The following FOXN2 variants were observed in gnomAD, a reference collection of about 807,000 sequenced individuals.
The protein encoded by FOXN2 is forkhead box protein N2.
FOXN2 carries 19 observed loss-of-function variants against 41.2 expected under a neutral mutation model. The observed-to-expected ratio is 0.46, with a 90% CI of 0.32 to 0.68. The LOEUF is 0.68. Ranked by LOEUF, FOXN2 falls within the 30% of genes least tolerant of loss-of-function variation. The pLI, the probability that FOXN2 is intolerant of heterozygous loss-of-function variation, is 0.03. For synonymous variants in FOXN2, 195 were observed against 176.8 expected (o/e 1.10, Z -0.82); for missense variants, 587 against 509.4 (o/e 1.15, Z -1.47).
chr2:48,362,224 T>C (rs942485151), intron 4 of FOXN2, among the ~76,000 whole-genome samples: 6 of 152,202 alleles, frequency 3.9e-5, no homozygotes, highest in Non-Finnish European at 5.9e-5. Context: ...GTAAAAATAG[T>C]TTGTTTTTGG....
intron 6 of FOXN2, among the ~76,000 whole-genome samples, chr2:48,374,185 A>C (rs1673087835): frequency 6.6e-6 from 1 of 152,214 alleles, no homozygotes; most frequent in African/African-American, 2.4e-5. Flanking sequence ...ATACATAAAA[A>C]GGATTCTGCA....
chr2:48,318,543 G>A (rs78546013), intron 1 of FOXN2, among the ~76,000 whole-genome samples: 312 of 152,124 alleles, frequency 2.1e-3, no homozygotes, highest in Admixed American at 4.6e-3. Context: ...GTGGAGTTTC[G>A]CCCACTTTCC....
rs1441205324 is a variant in FOXN2, at chr2:48,377,138, T to G, written c.*1695T>G. The G allele has an allele frequency of 6.6e-5, 10 of 152,126 alleles. No homozygotes were observed. The East Asian group carries it at 1.7e-3, about 26-fold the overall frequency. The allele number at this position is 152,126 out of a possible 1,614,324, so 9.4% of individuals were successfully genotyped here. A position where few individuals can be genotyped will look rare whatever the true frequency, so the allele number is the denominator to read the frequency against. On this transcript the variant is annotated 3_prime_UTR_variant, in exon 7 of 7. Coordinates refer to ENST00000340553, the MANE Select transcript of FOXN2 (RefSeq NM_002158.4). ...AATTTAACCTGGATAGCCACATTAA[T>G]GAATTGGTGCTGTCAAAATATAGTA...
chr2:48,353,692 T>C (rs1489585541), intron 3 of FOXN2, among the ~76,000 whole-genome samples: 1 of 152,036 alleles, frequency 6.6e-6, no homozygotes, highest in African/African-American at 2.4e-5. Context: ...TCTCTTTAAT[T>C]GTGATGTGGA....
rs114457088 is a variant in FOXN2, at chr2:48,342,732, G to A, written c.-14-3469G>A. ...GAACATGCCTGATCTCATCTAAGTG[G>A]ATAGTGCTCTAAAGTGTTCTATAAG... On this transcript the variant is annotated intron_variant, in intron 2 of 6. Coordinates refer to ENST00000340553, the MANE Select transcript of FOXN2 (RefSeq NM_002158.4). Among the ~76,000 whole-genome samples, 753 of 152,226 alleles carry A rather than the reference G, an allele frequency of 4.9e-3. 7 individuals carry two copies. The highest frequency in any genetic ancestry group is 0.017 in the African/African-American group (700 of 41,542).
intron 2 of FOXN2, among the ~76,000 whole-genome samples, chr2:48,330,692 C>A (rs972226945): frequency 6.6e-6 from 1 of 151,814 alleles, no homozygotes; most frequent in African/African-American, 2.4e-5. Flanking sequence ...GGTAAAATAG[C>A]AAGTCAATAA....
intron 3 of FOXN2, among the ~76,000 whole-genome samples, chr2:48,350,777 CTCT>C (rs1671397855): frequency 6.6e-6 from 1 of 152,138 alleles, no homozygotes; most frequent in African/African-American, 2.4e-5. Flanking sequence ...TGGAGGCAGA[CTCT>C]TCTTCTGGGA....
At chr2:48,347,133 C>A (rs893102513) in intron 3 of FOXN2, among the ~76,000 whole-genome samples, 1 of 151,392 alleles carries the variant, frequency 6.6e-6, no homozygotes, top group Non-Finnish European at 1.5e-5. Context: ...AAATCTATCA[C>A]CTTGCTATTT....
chr2:48,333,256 T>C (rs1030225038), intron 2 of FOXN2, among the ~76,000 whole-genome samples: 2 of 152,118 alleles, frequency 1.3e-5, no homozygotes, highest in Non-Finnish European at 2.9e-5. Context: ...ATAGTATATC[T>C]CTTATACATC....
chr2:48,350,169 T>G (rs1484276339), intron 3 of FOXN2, among the ~76,000 whole-genome samples: 4 of 152,250 alleles, frequency 2.6e-5, no homozygotes, highest in Non-Finnish European at 5.9e-5. Context: ...GGTTGGCATA[T>G]TGAACAGCTA....
intron 2 of FOXN2, among the ~76,000 whole-genome samples, chr2:48,337,321 G>T (rs1194283070): frequency 1.3e-5 from 2 of 148,856 alleles, no homozygotes; most frequent in African/African-American, 5.0e-5. Context: ...GTGAGACGGA[G>T]TTGTCTCCCT....
intron 3 of FOXN2, among the ~76,000 whole-genome samples, chr2:48,356,163 C>T (rs1428722391): frequency 6.6e-6 from 1 of 152,094 alleles, no homozygotes; most frequent in African/African-American, 2.4e-5. Context: ...AAAAATTGGC[C>T]AGGCGTGGTG....
rs993018369 is a variant in FOXN2, at chr2:48,369,544, A to G, written c.704-3748A>G. On this transcript the variant is annotated intron_variant, in intron 5 of 6. Coordinates refer to ENST00000340553, the MANE Select transcript of FOXN2 (RefSeq NM_002158.4). ...CAAGAGTGAAACTCCATCTCAAAAA[A>G]AAGAAGTCAAGTTAGAGATATACTA... Among the ~76,000 whole-genome samples the G allele has an allele frequency of 3.2e-4, 49 of 152,208 alleles. 2 individuals carry two copies.
intron 2 of FOXN2, among the ~76,000 whole-genome samples, chr2:48,337,799 G>A (rs142932559): frequency 6.6e-6 from 1 of 152,194 alleles, no homozygotes; most frequent in African/African-American, 2.4e-5. Flanking sequence ...AAAGTTACAT[G>A]CAATTAATAA....
chr2:48,336,144 C>G (rs1670334258), intron 2 of FOXN2, among the ~76,000 whole-genome samples: 1 of 152,014 alleles, frequency 6.6e-6, no homozygotes, highest in African/African-American at 2.4e-5. Flanking sequence ...TGGCTCACGC[C>G]TGTGATACCA....
chr2:48,367,171 C>G (rs10495951), intron 5 of FOXN2, among the ~76,000 whole-genome samples: 16,686 of 152,046 alleles, frequency 0.11, 1,374 homozygotes, highest in East Asian at 0.45. Flanking sequence ...GCAGGAGACA[C>G]AGGATTCTTA....
chr2:48,318,333 A>T (rs1457098666), intron 1 of FOXN2, among the ~76,000 whole-genome samples: 2 of 152,198 alleles, frequency 1.3e-5, no homozygotes, highest in Non-Finnish European at 2.9e-5. Flanking sequence ...AATTTTAAGA[A>T]GTGCTTGTCA....
At chr2:48,340,915 C>A (rs1255262246) in intron 2 of FOXN2, 1 of 152,140 alleles carries the variant, frequency 6.6e-6, no homozygotes, top group South Asian at 2.1e-4. Flanking sequence ...CAAATGTGTA[C>A]TTTGCTAAAG....
intron 3 of FOXN2, among the ~76,000 whole-genome samples, chr2:48,351,087 A>G (rs1671416775): frequency 6.6e-6 from 1 of 150,662 alleles, no homozygotes; most frequent in African/African-American, 2.5e-5. Context: ...CCGTTTCCTG[A>G]GTAGCTGGGA....
Sources: allele counts gnomAD v4.1 joint callset (sites outside exome capture counted in the v4.1 genomes callset), GRCh38; gene constraint gnomAD v4.1.1; transcripts MANE v1.5; gene names NCBI Gene and HGNC (gene_info 2026-07-23, HGNC 2026-07-21).